The following ASPRV1 variants were observed in gnomAD, a reference collection of about 807,000 sequenced individuals.
The protein encoded by ASPRV1 is aspartic peptidase retroviral like 1.
ASPRV1 carries 7 observed loss-of-function variants against 11.0 expected under a neutral mutation model. The ratio of observed to expected loss-of-function variants is 0.64; its 90% CI spans 0.36 to 1.20. The LOEUF (loss-of-function observed/expected upper bound fraction) is 1.20. ASPRV1 is among the 50% of genes most tolerant of loss of function. ASPRV1 has a pLI of 0.02. For synonymous variants in ASPRV1, 136 were observed against 138.4 expected (o/e 0.98, Z 0.12); for missense variants, 299 against 320.0 (o/e 0.93, Z 0.50).
chr2:69,971,993 C>G, the ASPRV1 span, among the ~76,000 whole-genome samples: 3 of 152,204 alleles, frequency 2.0e-5, no homozygotes, highest in Non-Finnish European at 2.9e-5. Context: ...TTAGCCAGTA[C>G]TGCACCTGGT....
chr2:70,061,698 T>C, the ASPRV1 span, among the ~76,000 whole-genome samples: 1 of 152,152 alleles, frequency 6.6e-6, no homozygotes, highest in Non-Finnish European at 1.5e-5. Context: ...CTCACACCTG[T>C]AATCCCAGCA....
the ASPRV1 span, among the ~76,000 whole-genome samples, chr2:69,934,837 C>T: frequency 6.6e-6 from 1 of 152,202 alleles, no homozygotes; most frequent in Non-Finnish European, 1.5e-5. Context: ...AACCAGTTCC[C>T]TCCTGGGTGG....
At chr2:70,032,892 G>A in the ASPRV1 span, among the ~76,000 whole-genome samples, 1 of 151,994 alleles carries the variant, frequency 6.6e-6, no homozygotes, top group African/African-American at 2.4e-5. Flanking sequence ...GTCCCCCTTT[G>A]GAGTCTGAAT....
At chr2:69,966,376 C>T (rs1678340838), upstream of ASPRV1, among the ~76,000 whole-genome samples, 1 of 152,264 alleles carries the variant, frequency 6.6e-6, no homozygotes, top group Non-Finnish European at 1.5e-5. Flanking sequence ...AAGCCGTCAT[C>T]CTTTCCTGCC....
chr2:70,057,693 G>A, the ASPRV1 span, among the ~76,000 whole-genome samples: 3 of 151,818 alleles, frequency 2.0e-5, no homozygotes, highest in South Asian at 6.2e-4. Flanking sequence ...TAGCCAGGCT[G>A]GTCTTGAACT....
the ASPRV1 span, among the ~76,000 whole-genome samples, chr2:70,074,842 C>A: frequency 9.9e-5 from 15 of 151,248 alleles, no homozygotes; most frequent in African/African-American, 3.4e-4. Flanking sequence ...CGGGGCCAGG[C>A]GCAGTGGCTC....
chr2:69,938,273 C>G, the ASPRV1 span: 1 of 1,614,114 alleles, frequency 6.2e-7, no homozygotes, highest in Non-Finnish European at 8.5e-7. Context: ...CAAGGCGTGT[C>G]TTGGTCTCTA....
the ASPRV1 span, among the ~76,000 whole-genome samples, chr2:70,004,698 C>A: frequency 6.6e-6 from 1 of 152,074 alleles, no homozygotes; most frequent in East Asian, 1.9e-4. Context: ...CCCTCTGAAC[C>A]TAGACTTTCT....
chr2:70,049,057 C>CTT, the ASPRV1 span: 12 of 150,046 alleles, frequency 8.0e-5, no homozygotes, highest in Non-Finnish European at 1.3e-4. Context: ...TATTATTATA[C>CTT]TTTAAGTTTT....
the ASPRV1 span, chr2:70,030,724 A>ATG: frequency 6.6e-6 from 1 of 152,154 alleles, no homozygotes. Context: ...CTGTATGTGT[A>ATG]TGTGTGTTGG....
the ASPRV1 span, among the ~76,000 whole-genome samples, chr2:69,995,837 G>C: frequency 4.6e-5 from 7 of 152,186 alleles, no homozygotes; most frequent in Non-Finnish European, 8.8e-5. Context: ...CCAGCGTTAG[G>C]GGGAGAAAGA....
the ASPRV1 span, among the ~76,000 whole-genome samples, chr2:70,018,620 T>C: frequency 7.2e-5 from 11 of 152,076 alleles, no homozygotes; most frequent in African/African-American, 2.4e-4. Flanking sequence ...AATAAATCTA[T>C]GTATTTACAG....
At chr2:70,076,235 C>G in the ASPRV1 span, among the ~76,000 whole-genome samples, 67 of 152,330 alleles carry the variant, frequency 4.4e-4, no homozygotes, top group Middle Eastern at 0.017. Context: ...CCCAGTCTTC[C>G]TCTCAACCTA....
chr2:70,015,509 A>G, the ASPRV1 span: 1 of 152,226 alleles, frequency 6.6e-6, no homozygotes, highest in Non-Finnish European at 1.5e-5. Flanking sequence ...TCGCAGGGCA[A>G]CTGTGGGACT....
upstream of ASPRV1, chr2:69,964,469 C>T (rs779603167): frequency 2.8e-6 from 1 of 352,560 alleles, no homozygotes; most frequent in Non-Finnish European, 5.6e-6. Flanking sequence ...CTCAAGTTCC[C>T]TTATGCCTTG....
the ASPRV1 span, among the ~76,000 whole-genome samples, chr2:70,010,089 G>A: frequency 6.6e-6 from 1 of 152,130 alleles, no homozygotes; most frequent in African/African-American, 2.4e-5. Flanking sequence ...AGACGAAAAG[G>A]TAATGGTAAT....
the ASPRV1 span, among the ~76,000 whole-genome samples, chr2:69,978,344 GCCC>G: frequency 6.6e-6 from 1 of 152,204 alleles, no homozygotes; most frequent in Non-Finnish European, 1.5e-5. Context: ...CTGGATAGTT[GCCC>G]CATAGAGGGG....
chr2:69,947,451 G>A, the ASPRV1 span, among the ~76,000 whole-genome samples: 1 of 152,142 alleles, frequency 6.6e-6, no homozygotes, highest in Non-Finnish European at 1.5e-5. Context: ...GAAACTCAGA[G>A]CCAAATTCAC....
the ASPRV1 span, among the ~76,000 whole-genome samples, chr2:69,949,711 T>A: frequency 6.6e-6 from 1 of 152,208 alleles, no homozygotes. Context: ...TTCGGCATAT[T>A]TAGTTTTACC....
Sources: allele counts gnomAD v4.1 joint callset (sites outside exome capture counted in the v4.1 genomes callset), GRCh38; gene constraint gnomAD v4.1.1; transcripts MANE v1.5; gene names NCBI Gene and HGNC (gene_info 2026-07-23, HGNC 2026-07-21).